SLFNL1: variants seen among roughly 807,000 people sequenced by gnomAD.
The protein encoded by SLFNL1 is schlafen like 1, also known as schlafen-like protein 1.
A neutral mutation model predicts 32.5 loss-of-function variants in SLFNL1; 26 were observed. The observed-to-expected ratio is 0.80, with a 90% CI of 0.59 to 1.11. The LOEUF (loss-of-function observed/expected upper bound fraction) is 1.11. Among genes scored for constraint, SLFNL1 ranks in the 50% least tolerant of loss-of-function variants. SLFNL1 has a pLI of 0.00. For missense variants in SLFNL1, 553 were observed against 546.5 expected (o/e 1.01, Z -0.12); for synonymous variants, 255 against 242.2 (o/e 1.05, Z -0.49).
Position 41,017,654 on chromosome 1 carries a change from T to C in SLFNL1, c.938A>G (p.Glu313Gly), listed in dbSNP as rs1571012319. 1.3e-6 allele frequency: 2 copies of C among 1,530,312 alleles called. No homozygotes were observed. The highest frequency in any genetic ancestry group is 4.6e-5 in the East Asian group (2 of 43,932). 94.8% of individuals were successfully genotyped at this position (1,530,312 alleles called of 1,614,324 possible). A position where few individuals can be genotyped will look rare whatever the true frequency, so the allele number is the denominator to read the frequency against. Residue 313 changes from glutamate to glycine, a missense_variant, in exon 4 of 6, where the codon GAG (glutamate) becomes GGG (glycine). Coordinates refer to ENST00000302946, the MANE Select transcript of SLFNL1 (RefSeq NM_144990.4). The surrounding 1 kb of genome is among the most constrained non-coding windows in gnomAD (Gnocchi z 4.9). ...LTFIPVISTSETSVPLKVIRL... is the reference protein window; with the variant it reads ...LTFIPVISTSGTSVPLKVIRL... ...GCTCACCTTGAGGGGGACGCTGGTC[T>C]CCGAGGTACTGATCACAGGGATGAA...
In SLFNL1 at chr1:41,016,062, T is replaced by C; in HGVS notation, c.*44A>G. 6.3e-7 allele frequency: 1 copy of C among 1,582,540 alleles called. No individual in the cohort carries two copies. The highest frequency in any genetic ancestry group is 8.6e-7 in the Non-Finnish European group (1 of 1,162,030). On this transcript the variant is annotated 3_prime_UTR_variant, in exon 6 of 6. Coordinates refer to ENST00000302946, the MANE Select transcript of SLFNL1 (RefSeq NM_144990.4). ...CACTCAAACAGGAAATCCCTGGGTC[T>C]CAGGTGGAGAGTGCCGTGCCGTCCT...
chr1:41,020,425 G>A lies in SLFNL1; in HGVS notation c.236C>T (p.Ala79Val), dbSNP rs536617102. 16 of 1,612,960 alleles carry A rather than the reference G, an allele frequency of 9.9e-6. No homozygotes were observed. The highest frequency in any genetic ancestry group is 4.5e-5 in the East Asian group (2 of 44,866). Reference protein sequence around the residue: ...DTLERLEMPVAREHIEVVRRP... With the variant: ...DTLERLEMPVVREHIEVVRRP... ...CCTCACCACTTCAATGTGCTCCCGC[G>A]CCACCGGCATCTCCAGCCGCTCCAG... Residue 79 changes from alanine to valine, a missense_variant, in exon 3 of 6, where the codon GCG becomes GTG. Ala to Val is a moderately conservative substitution (Grantham distance 64, BLOSUM62 0). Transcript: ENST00000302946.
In SLFNL1 at chr1:41,017,738, A is replaced by G. The variant is rs751050866; in HGVS notation, c.854T>C (p.Val285Ala). 1.2e-6 allele frequency: 2 copies of G among 1,606,090 alleles called. No individual in the cohort carries two copies. Among genetic ancestry groups the G allele is most frequent in the South Asian group, 1.1e-5 (1 of 90,216 alleles). Residue 285 changes from valine (V) to alanine (A), a missense_variant, in exon 4 of 6, where the codon GTG becomes GCG. Val to Ala is a moderately conservative substitution (Grantham distance 64). Coordinates refer to ENST00000302946, the MANE Select transcript of SLFNL1 (RefSeq NM_144990.4). This position sits in a 1 kb window ranked among gnomAD's most constrained non-coding sequence, Gnocchi z 4.9. The part of the protein sequence containing the change: ...HRDEDRARLL[V>A]DSILQGFKPQ... ...CTTGAAGCCCTGCAGGATGGAGTCCACCAGCAGGCGTGCGCGGTCCTCGTC... is the reference window on the plus strand; with the variant it reads ...CTTGAAGCCCTGCAGGATGGAGTCCGCCAGCAGGCGTGCGCGGTCCTCGTC...
chr1:41,019,493 T>C (rs1643653268), intron 3 of SLFNL1, among the ~76,000 whole-genome samples: 1 of 152,052 alleles, frequency 6.6e-6, no homozygotes, highest in South Asian at 2.1e-4. Context: ...TACCCTACCT[T>C]CTGGCCCAAC....
Position 41,017,111 on chromosome 1 carries a change from G to A in SLFNL1, c.1101+123C>T, listed in dbSNP as rs866216725. ...GTGTGATTGTATTCCAACCCCTTGG[G>A]TTCAACGGGGTGATGCAGGACCCAG... On this transcript the variant is annotated intron_variant, in intron 5 of 5. Coordinates refer to ENST00000302946, the MANE Select transcript of SLFNL1 (RefSeq NM_144990.4). The surrounding 1 kb of genome is among the most constrained non-coding windows in gnomAD (Gnocchi z 4.9). The A allele has an allele frequency of 4.8e-6, 6 of 1,246,436 alleles. No individual in the cohort carries two copies. In the African/African-American group the frequency reaches 6.0e-5, roughly 13 times the overall value. 77.2% of individuals were successfully genotyped at this position (1,246,436 alleles called of 1,614,324 possible).
intron 5 of SLFNL1, 182 bp from the exon 6 acceptor site, chr1:41,016,410 C>T: frequency 1.1e-6 from 1 of 887,162 alleles, no homozygotes. Flanking sequence ...CTGAGGGAAG[C>T]TGCCGGCTGC....
Position 41,017,695 on chromosome 1 carries a change from A to G in SLFNL1, c.897T>C (p.Asp299=). The change falls in exon 4 of 6, where the codon GAT becomes GAC. Residue 299 remains aspartate, a synonymous_variant. Transcript: ENST00000302946. The surrounding 1 kb of genome is among the most constrained non-coding windows in gnomAD (Gnocchi z 4.9). ...LQGFKPQIFP[D]AYTLTFIPVI... is the part of the protein sequence containing the mutation. ...CAGGGATGAAGGTGAGAGTGTAGGC[A>G]TCGGGAAAGATCTGAGGCTTGAAGC... 6.3e-7 allele frequency: 1 copy of G among 1,579,512 alleles called. No homozygotes were observed. Among genetic ancestry groups the G allele is most frequent in the Non-Finnish European group, 8.6e-7 (1 of 1,159,622 alleles).
intron 1 of SLFNL1, 114 bp downstream of exon 1, chr1:41,021,509 C>T (rs1643832488): frequency 6.6e-6 from 1 of 152,440 alleles, no homozygotes; most frequent in Non-Finnish European, 1.5e-5. Flanking sequence ...CACACCAGCC[C>T]CTCTACTGCT....
chr1:41,021,563 G>T lies in SLFNL1; in HGVS notation c.-126+60C>A, dbSNP rs146313399. The T allele has an allele frequency of 7.7e-3, 1,176 of 152,910 alleles. 7 individuals are homozygous for T. The highest frequency in any genetic ancestry group is 0.013 in the Non-Finnish European group (889 of 68,552). 9.5% of individuals were successfully genotyped at this position (152,910 alleles called of 1,614,324 possible). On this transcript the variant is annotated intron_variant, in intron 1 of 5. Transcript: ENST00000302946. ...CATCTTCTCAAATGGAATCCTTGAG[G>T]CAGTTGGCCTGGGGGCATTCAGGTC... is the stretch of plus-strand genomic sequence containing the variant.
At position 41,016,108 on chromosome 1, in the gene SLFNL1, A is replaced by T. The variant is rs1643297439; in HGVS notation, c.1222T>A (p.Ter408ArgextTer22). The T allele has an allele frequency of 6.2e-7, 1 of 1,612,968 alleles. No individual in the cohort carries two copies. Among genetic ancestry groups the T allele is most frequent in the Non-Finnish European group, 8.5e-7 (1 of 1,179,538 alleles). Residue 408 changes from the stop codon to arginine (R), a stop_lost, in exon 6 of 6, where the codon TGA becomes AGA. Transcript: ENST00000302946. ...GTCCTGCCTGCTCCCCAGGGCCCTC[A>T]CAGGACACAGCAGGTGCAGGACACA... ...GPVSCTCCVL* is the reference protein window; with the variant it reads ...GPVSCTCCVLR
rs1571048486 is a variant in SLFNL1, at chr1:41,021,716, T to A, written c.-219A>T. On this transcript the variant is annotated 5_prime_UTR_variant, in exon 1 of 6. The change creates a new upstream start codon in the 5' untranslated region. Coordinates refer to ENST00000302946, the MANE Select transcript of SLFNL1 (RefSeq NM_144990.4). Reference sequence around the variant, plus strand: ...CCCTGGCCGGTAGCTCTCAGGGAACTTGGAGGCTTGGCACAGGGACGGCCA... The same window carrying A: ...CCCTGGCCGGTAGCTCTCAGGGAACATGGAGGCTTGGCACAGGGACGGCCA... 1 of 152,330 alleles carries A rather than the reference T, an allele frequency of 6.6e-6. No individual in the cohort carries two copies. Among genetic ancestry groups the A allele is most frequent in the Middle Eastern group, 3.4e-3 (1 of 294 alleles). 9.4% of individuals were successfully genotyped at this position (152,330 alleles called of 1,614,324 possible).
chr1:41,020,218 C>T lies in SLFNL1; in HGVS notation c.435+8G>A, dbSNP rs1315919280. ...CTTTGGAGCTTGCTTGGGAAAAGTC[C>T]CACTTACCTCTCTGTGGCTGAAGGG... On this transcript the variant is annotated splice_region_variant and intron_variant, in intron 3 of 5. Coordinates refer to ENST00000302946, the MANE Select transcript of SLFNL1 (RefSeq NM_144990.4). 1 of 1,570,780 alleles carries T rather than the reference C, an allele frequency of 6.4e-7. No individual in the cohort carries two copies. The highest frequency in any genetic ancestry group is 8.6e-7 in the Non-Finnish European group (1 of 1,157,498).
In SLFNL1 at chr1:41,020,538, C is replaced by T; in HGVS notation, c.123G>A (p.Glu41=). ...EQSLTEYSDL[E]EAPSAHTLYV... ...AGAGAGTGTGCGCCGAGGGAGCCTC[C>T]TCGAGGTCAGAGTACTCCGTCAGGG... The change falls in exon 3 of 6, where the codon GAG becomes GAA. Residue 41 remains glutamate (E), a synonymous_variant. Coordinates refer to ENST00000302946, the MANE Select transcript of SLFNL1 (RefSeq NM_144990.4). 1 of 1,613,562 alleles carries T rather than the reference C, an allele frequency of 6.2e-7. No homozygotes were observed. The highest frequency in any genetic ancestry group is 8.5e-7 in the Non-Finnish European group (1 of 1,180,014).
At position 41,020,748 on chromosome 1, in the gene SLFNL1, C is replaced by A; in HGVS notation, c.-88G>T. 3 of 1,267,210 alleles carry A rather than the reference C, an allele frequency of 2.4e-6. No homozygotes were observed. The highest frequency in any genetic ancestry group is 3.3e-6 in the Non-Finnish European group (3 of 912,162). 78.5% of individuals were successfully genotyped at this position (1,267,210 alleles called of 1,614,324 possible). ...CTGTGTTCTCAGTGTGGCTTAAGGGCTCCCAGAGGACTCAGGGAGTGTCCC... is the reference window on the plus strand; with the variant it reads ...CTGTGTTCTCAGTGTGGCTTAAGGGATCCCAGAGGACTCAGGGAGTGTCCC... On this transcript the variant is annotated 5_prime_UTR_variant, in exon 3 of 6. Coordinates refer to ENST00000302946, the MANE Select transcript of SLFNL1 (RefSeq NM_144990.4).
chr1:41,021,373 C>G (rs1331437207), intron 1 of SLFNL1: 1 of 152,458 alleles, frequency 6.6e-6, no homozygotes, highest in African/African-American at 2.4e-5. Flanking sequence ...CTAGTCTAGA[C>G]TGAGTCCTCC....
At position 41,017,959 on chromosome 1, in the gene SLFNL1, C is replaced by T; in HGVS notation, c.633G>A (p.Gln211=). ...TGCCCAGGAAGGCACCCTGGAAGAG[C>T]TGGTCCTTGCCCACGATCTGCTGGT... ...IVHQQIVGKD[Q]LFQGAFLGSE... Residue 211 remains glutamine, a synonymous_variant, in exon 4 of 6, where the codon CAG becomes CAA. Transcript: ENST00000302946. This position sits in a 1 kb window ranked among gnomAD's most constrained non-coding sequence, Gnocchi z 4.9. 2 of 1,611,644 alleles carry T rather than the reference C, an allele frequency of 1.2e-6. No individual in the cohort carries two copies. The highest frequency in any genetic ancestry group is 8.5e-7 in the Non-Finnish European group (1 of 1,179,450).
In SLFNL1 at chr1:41,018,091, C is replaced by G. The variant is rs149541948; in HGVS notation, c.501G>C (p.Pro167=). The G allele has an allele frequency of 3.4e-5, 53 of 1,553,564 alleles. No individual in the cohort carries two copies. The highest frequency in any genetic ancestry group is 4.3e-5 in the Non-Finnish European group (49 of 1,144,842). Residue 167 remains proline (P), a synonymous_variant, in exon 4 of 6, where the codon CCG becomes CCC. Coordinates refer to ENST00000302946, the MANE Select transcript of SLFNL1 (RefSeq NM_144990.4). The part of the protein sequence containing the change: ...SPGPSPGSGV[P]LPTWPTHTLP... ...GCGTGTGTGTAGGCCAGGTGGGCAG[C>G]GGGACACCAGAGCCTGGACTGGGGC...
chr1:41,020,651 T>C lies in SLFNL1; in HGVS notation c.10A>G (p.Met4Val). ...ACCTGTGTTTGCACTGATCTCTTCA[T>C]GGGGGTCATGGGAAGGCTCTCCCTG... is the stretch of plus-strand genomic sequence containing the variant. MTP[M>V]KRSVQTQVSE... The change falls in exon 3 of 6, where the codon ATG becomes GTG. Residue 4 changes from methionine to valine, a missense_variant. Physicochemically the swap from Met to Val is conservative, Grantham distance 21. Coordinates refer to ENST00000302946, the MANE Select transcript of SLFNL1 (RefSeq NM_144990.4). 2.5e-6 allele frequency: 4 copies of C among 1,604,908 alleles called. No individual in the cohort carries two copies. The highest frequency in any genetic ancestry group is 3.4e-6 in the Non-Finnish European group (4 of 1,173,308).
At position 41,016,012 on chromosome 1, in the gene SLFNL1, G is replaced by T. The variant is rs1019607543; in HGVS notation, c.*94C>A. ...GTCCCTGTCCGCCTCTCAGCAGCCC[G>T]CATGGGCTTTACTGGTTGGCCTTAC... On this transcript the variant is annotated 3_prime_UTR_variant, in exon 6 of 6. Coordinates refer to ENST00000302946, the MANE Select transcript of SLFNL1 (RefSeq NM_144990.4). 11 of 1,481,752 alleles carry T rather than the reference G, an allele frequency of 7.4e-6. No homozygotes were observed. The highest frequency in any genetic ancestry group is 4.3e-5 in the African/African-American group (3 of 70,492). The allele number at this position is 1,481,752 out of a possible 1,614,324, so 91.8% of individuals were successfully genotyped here.
Sources: allele counts gnomAD v4.1 joint callset (sites outside exome capture counted in the v4.1 genomes callset), GRCh38; gene constraint gnomAD v4.1.1; non-coding constraint Gnocchi (gnomAD v3.1); transcripts MANE v1.5; gene names NCBI Gene and HGNC (gene_info 2026-07-23, HGNC 2026-07-21).